ANK3: variants seen among roughly 807,000 people sequenced by gnomAD.
ANK3 encodes the protein ankyrin 3.
ANK3 carries 57 observed loss-of-function variants against 370.9 expected under a neutral mutation model. The ratio of observed to expected loss-of-function variants is 0.15; its 90% CI spans 0.12 to 0.19. The LOEUF (loss-of-function observed/expected upper bound fraction) is 0.19, where lower values mean the gene tolerates loss of function less well. Among genes scored for constraint, ANK3 ranks in the 10% least tolerant of loss-of-function variants. The pLI is 1.00. For missense variants in ANK3, 4,439 were observed against 5,302.1 expected, an observed-to-expected ratio of 0.84 and a Z score of 5.06; for synonymous variants, 1,929 against 1,946.3, an observed-to-expected ratio of 0.99 and a Z score of 0.23.
At chr10:60,078,865 G>A (rs182429191) in intron 36 of ANK3, among the ~76,000 whole-genome samples, 91 of 152,056 alleles carry the variant, frequency 6.0e-4, no homozygotes, top group African/African-American at 8.7e-4. Context: ...AGAAAACTTC[G>A]CTCCTCTTCT....
intron 1 of ANK3, among the ~76,000 whole-genome samples, chr10:60,363,739 T>G (rs1057185970): frequency 2.0e-5 from 3 of 152,014 alleles, no homozygotes; most frequent in Non-Finnish European, 4.4e-5. Flanking sequence ...CAAAACAACC[T>G]TAACATGAAT....
intron 4 of ANK3, among the ~76,000 whole-genome samples, chr10:60,277,938 T>A (rs528998889): frequency 9.5e-4 from 145 of 152,340 alleles, no homozygotes; most frequent in African/African-American, 3.3e-3. Context: ...TATGATGATG[T>A]TTGCTTTCCT....
chr10:60,209,424 T>C (rs893653019), intron 9 of ANK3, among the ~76,000 whole-genome samples: 6 of 152,156 alleles, frequency 3.9e-5, no homozygotes, highest in Non-Finnish European at 8.8e-5. Context: ...TGTTAACCAT[T>C]CTAACGGCAT....
chr10:60,222,635 C>T (rs1224036218), intron 8 of ANK3, among the ~76,000 whole-genome samples: 2 of 152,154 alleles, frequency 1.3e-5, no homozygotes, highest in Non-Finnish European at 2.9e-5. Context: ...TCAGTCAAGT[C>T]TAAATTCTTC....
At chr10:60,056,429 A>C (rs1023122890) in intron 41 of ANK3, among the ~76,000 whole-genome samples, 1 of 152,146 alleles carries the variant, frequency 6.6e-6, no homozygotes, top group Non-Finnish European at 1.5e-5. Context: ...AGATTGTGCC[A>C]CTGTATTTCA....
Position 60,069,408 on chromosome 10 carries a change from T to C in ANK3, c.11473A>G (p.Lys3825Glu). The C allele has an allele frequency of 6.2e-7, 1 of 1,614,038 alleles. No homozygotes were observed. The highest frequency in any genetic ancestry group is 8.5e-7 in the Non-Finnish European group (1 of 1,179,990). ...TCTTEKDNPVKVSSGKKTGVL... is the reference protein window; with the variant it reads ...TCTTEKDNPVEVSSGKKTGVL... The stretch of plus-strand genomic sequence containing the variant: ...CCTGTCTTTTTTCCTGATGAGACTT[T>C]CACTGGGTTATCTTTCTCTGTGGTA... The change falls in exon 37 of 44, where the codon AAA (lysine) becomes GAA (glutamate). Residue 3825 changes from lysine (K) to glutamate (E), a missense_variant. Transcript: ENST00000280772.
chr10:60,211,466 C>T (rs2096853295), intron 9 of ANK3, among the ~76,000 whole-genome samples: 1 of 152,100 alleles, frequency 6.6e-6, no homozygotes, highest in South Asian at 2.1e-4. Context: ...GCTACTTTAC[C>T]TCTTTGGGTT....
At chr10:60,144,193 T>A (rs1190241604) in intron 23 of ANK3, 4 of 446,982 alleles carry the variant, frequency 8.9e-6, no homozygotes, top group Non-Finnish European at 1.8e-5. Context: ...TCACTGAGTT[T>A]CGGGGAGGCT....
chr10:60,535,821 G>A (rs2076711757), intron 2 of ANK3, among the ~76,000 whole-genome samples: 1 of 151,832 alleles, frequency 6.6e-6, no homozygotes, highest in Non-Finnish European at 1.5e-5. Context: ...TTCACTGTGG[G>A]GAGATGATTA....
chr10:60,052,158 C>T lies in ANK3; in HGVS notation c.13065+3500G>A, dbSNP rs577369971. On this transcript the variant is annotated intron_variant, in intron 42 of 43. Coordinates refer to ENST00000280772, the MANE Select transcript of ANK3 (RefSeq NM_020987.5). ...GGTGGATCACTTGAGGTCAGGAGTTCGAGACCAGCCTGACCAACACGGTGA... is the reference window on the plus strand; with the variant it reads ...GGTGGATCACTTGAGGTCAGGAGTTTGAGACCAGCCTGACCAACACGGTGA... 6.6e-5 allele frequency among the ~76,000 whole-genome samples: 10 copies of T among 152,120 alleles called. No homozygotes were observed. The East Asian group carries it at 1.2e-3, about 18-fold the overall frequency.
At chr10:60,454,664 A>G (rs1354577557) in intron 2 of ANK3, among the ~76,000 whole-genome samples, 1 of 152,174 alleles carries the variant, frequency 6.6e-6, no homozygotes, top group Non-Finnish European at 1.5e-5. Context: ...TTTTTATTAC[A>G]TACACAAAAG....
chr10:60,457,841 A>T (rs1330329747), intron 2 of ANK3, among the ~76,000 whole-genome samples: 2 of 152,016 alleles, frequency 1.3e-5, no homozygotes, highest in Non-Finnish European at 2.9e-5. Flanking sequence ...GAAACCATTT[A>T]AGTCTGAGAG....
At chr10:60,228,359 C>A (rs771363188) in intron 8 of ANK3, among the ~76,000 whole-genome samples, 1 of 151,846 alleles carries the variant, frequency 6.6e-6, no homozygotes, top group Non-Finnish European at 1.5e-5. Context: ...TATGGTGAAA[C>A]CCCGTCTCTA....
chr10:60,565,556 C>T (rs1016234743), intron 2 of ANK3, among the ~76,000 whole-genome samples: 12 of 152,150 alleles, frequency 7.9e-5, no homozygotes, highest in African/African-American at 2.7e-4. Flanking sequence ...ACTAAAATTT[C>T]TTGGGATGGT....
chr10:60,069,465 T>C lies in ANK3; in HGVS notation c.11416A>G (p.Ile3806Val). ...TIQTDNIMSN[I>V]VLTEHSAPTC... Reference sequence around the variant, plus strand: ...GGTGCAGAATGTTCTGTCAGAACTATATTACTCATAATGTTATCTGTCTGT... The same window carrying C: ...GGTGCAGAATGTTCTGTCAGAACTACATTACTCATAATGTTATCTGTCTGT... The change falls in exon 37 of 44, where the codon ATA becomes GTA. Residue 3806 changes from isoleucine to valine, a missense_variant. This residue lies in a region of ANK3 where 496 missense variants were observed against 529.3 expected (regional missense o/e 0.94). Transcript: ENST00000280772. The C allele has an allele frequency of 6.2e-7, 1 of 1,614,108 alleles. No homozygotes were observed. The highest frequency in any genetic ancestry group is 8.5e-7 in the Non-Finnish European group (1 of 1,179,948).
rs75913115 is a variant in ANK3, at chr10:60,103,428, G to C, written c.3328+2477C>G. Among the ~76,000 whole-genome samples the C allele has an allele frequency of 2.5e-4, 38 of 151,870 alleles. No homozygotes were observed. In the East Asian group the frequency reaches 7.3e-3, roughly 29 times the overall value. ...TGTGCTTATGCTTCTCTCTGAACTAGAACTTTGAACAGTTGTCCCTTCAAG... is the reference window on the plus strand; with the variant it reads ...TGTGCTTATGCTTCTCTCTGAACTACAACTTTGAACAGTTGTCCCTTCAAG... On this transcript the variant is annotated intron_variant, in intron 28 of 43. Transcript: ENST00000280772.
intron 42 of ANK3, chr10:60,044,422 A>G: frequency 2.7e-6 from 2 of 740,506 alleles, no homozygotes; most frequent in South Asian, 1.2e-4. Flanking sequence ...CACCACACAC[A>G]TGCTCTGGAA....
intron 2 of ANK3, among the ~76,000 whole-genome samples, chr10:60,502,222 C>G (rs934666049): frequency 2.0e-5 from 3 of 152,096 alleles, no homozygotes; most frequent in Non-Finnish European, 4.4e-5. Flanking sequence ...AGTTACAGCC[C>G]CTGTAGCAGC....
chr10:60,445,771 A>G (rs1456725138), intron 2 of ANK3, among the ~76,000 whole-genome samples: 1 of 152,156 alleles, frequency 6.6e-6, no homozygotes, highest in Non-Finnish European at 1.5e-5. Context: ...GTCATCAGGG[A>G]AATTTTAAGG....
Sources: gnomAD v4.1 joint callset for allele counts (sites outside exome capture counted in the v4.1 genomes callset) on GRCh38, gnomAD v4.1.1 for gene constraint, gnomAD v4.1.1 regional missense constraint, MANE v1.5 for transcripts, NCBI Gene and HGNC (gene_info 2026-07-23, HGNC 2026-07-21) for gene names.